STAU1: variants seen among roughly 807,000 people sequenced by gnomAD.
STAU1 encodes double-stranded RNA-binding protein Staufen homolog 1.
A neutral mutation model predicts 62.9 loss-of-function variants in STAU1; 13 were observed. The observed-to-expected ratio is 0.21, with a 90% CI of 0.13 to 0.33. The LOEUF is 0.33. Among genes scored for constraint, STAU1 ranks in the 10% least tolerant of loss-of-function variants. The pLI is 1.00. For missense variants in STAU1, 571 were observed against 712.1 expected (o/e 0.80, Z 2.25); for synonymous variants, 269 against 265.1 (o/e 1.01, Z -0.14).
At chr20:49,209,844 C>T in the STAU1 span, among the ~76,000 whole-genome samples, 3 of 152,028 alleles carry the variant, frequency 2.0e-5, no homozygotes, top group South Asian at 2.1e-4. Flanking sequence ...GTCAGGAGAT[C>T]GAGACTATCC....
the STAU1 span, among the ~76,000 whole-genome samples, chr20:49,193,940 C>A: frequency 6.7e-6 from 1 of 150,112 alleles, no homozygotes; most frequent in African/African-American, 2.5e-5. Flanking sequence ...ATGCACTCCA[C>A]TGTGGGCAAC....
At chr20:49,215,626 G>A in the STAU1 span, among the ~76,000 whole-genome samples, 2 of 152,108 alleles carry the variant, frequency 1.3e-5, no homozygotes, top group Non-Finnish European at 2.9e-5. Context: ...ATCTTCAGTT[G>A]GTGCCACTAC....
At chr20:49,124,277 C>G in intron 7 of STAU1, 98 bp downstream of exon 7, 1 of 1,303,332 alleles carries the variant, frequency 7.7e-7, no homozygotes, top group Non-Finnish European at 1.1e-6. Flanking sequence ...GCACGTTGGT[C>G]TCATCCCCTT....
At chr20:49,148,417 T>C (rs1230289169) in intron 5 of STAU1, among the ~76,000 whole-genome samples, 1 of 152,224 alleles carries the variant, frequency 6.6e-6, no homozygotes, top group African/African-American at 2.4e-5. Context: ...GATATCCCAT[T>C]ACGTATGATG....
chr20:49,137,010 G>T (rs1053731117), intron 5 of STAU1, among the ~76,000 whole-genome samples: 8 of 152,034 alleles, frequency 5.3e-5, no homozygotes, highest in African/African-American at 1.9e-4. Context: ...CACTTTAAGA[G>T]AATGCAGCCA....
chr20:49,180,799 T>TA lies in STAU1; in HGVS notation c.-159-6531dup, dbSNP rs1429429791. Among the ~76,000 whole-genome samples, 4 of 152,366 alleles carry TA rather than the reference T, an allele frequency of 2.6e-5. No homozygotes were observed. The East Asian group carries it at 7.7e-4, about 29-fold the overall frequency. On this transcript the variant is annotated intron_variant, in intron 1 of 13. Coordinates refer to ENST00000371856, the MANE Select transcript of STAU1 (RefSeq NM_017453.4). ...TGGAAAGCTATTTCAAGGGTCCATC[T>TA]AAAAGACTATTACTTAACCAGACTT...
chr20:49,151,859 T>G, intron 4 of STAU1, 112 bp from the exon 5 acceptor site: 1 of 898,256 alleles, frequency 1.1e-6, no homozygotes, highest in Non-Finnish European at 1.6e-6. Flanking sequence ...ACATTAGTGT[T>G]TGATGCTAAT....
At chr20:49,148,354 G>C (rs1434610744) in intron 5 of STAU1, among the ~76,000 whole-genome samples, 3 of 152,096 alleles carry the variant, frequency 2.0e-5, no homozygotes, top group Non-Finnish European at 4.4e-5. Context: ...TCTGTATAAG[G>C]TGTATACGAA....
chr20:49,162,701 G>A (rs909424058), intron 3 of STAU1, among the ~76,000 whole-genome samples: 13 of 151,622 alleles, frequency 8.6e-5, no homozygotes, highest in Non-Finnish European at 1.5e-4. Context: ...GCGTGAACCC[G>A]GGAGGCAGAG....
intron 1 of STAU1, among the ~76,000 whole-genome samples, chr20:49,183,653 T>C (rs946471874): frequency 2.6e-5 from 4 of 152,218 alleles, no homozygotes; most frequent in African/African-American, 9.6e-5. Flanking sequence ...TCCATTTTGA[T>C]AACACCCAGA....
At chr20:49,146,062 GA>G (rs1180740115) in intron 5 of STAU1, among the ~76,000 whole-genome samples, 1 of 152,136 alleles carries the variant, frequency 6.6e-6, no homozygotes, top group African/African-American at 2.4e-5. Flanking sequence ...TTGAGCTCAG[GA>G]GTTCGACACC....
At chr20:49,168,298 C>T (rs916126332) in intron 2 of STAU1, among the ~76,000 whole-genome samples, 4 of 152,094 alleles carry the variant, frequency 2.6e-5, no homozygotes, top group African/African-American at 9.7e-5. Flanking sequence ...CCAGGCTGCT[C>T]TCAAACTCCT....
At chr20:49,193,190 A>C (rs1164838981), upstream of STAU1, among the ~76,000 whole-genome samples, 1 of 152,114 alleles carries the variant, frequency 6.6e-6, no homozygotes, top group African/African-American at 2.4e-5. Flanking sequence ...CAGCCCGGCC[A>C]ACATGGTGAG....
chr20:49,151,524 C>A lies in STAU1; in HGVS notation c.510+58G>T, dbSNP rs76379346. On this transcript the variant is annotated intron_variant, in intron 5 of 13. Transcript: ENST00000371856. ...TAGAAAAGATAATGTGCGGTGACATCTCCCCACTACCCTCCTACCCTGTCG... is the reference window on the plus strand; with the variant it reads ...TAGAAAAGATAATGTGCGGTGACATATCCCCACTACCCTCCTACCCTGTCG... 2,158 of 1,453,918 alleles carry A rather than the reference C, an allele frequency of 1.5e-3. 70 individuals carry two copies. The East Asian group carries it at 0.048, about 33-fold the overall frequency. The allele number at this position is 1,453,918 out of a possible 1,614,324, so 90.1% of individuals were successfully genotyped here.
upstream of STAU1, among the ~76,000 whole-genome samples, chr20:49,191,152 C>T (rs900197735): frequency 6.6e-6 from 1 of 151,946 alleles, no homozygotes; most frequent in African/African-American, 2.4e-5. Context: ...CTCAGCCTCC[C>T]GAGTAGCTGA....
At chr20:49,147,755 T>C (rs1363235100) in intron 5 of STAU1, among the ~76,000 whole-genome samples, 1 of 152,244 alleles carries the variant, frequency 6.6e-6, no homozygotes, top group East Asian at 1.9e-4. Flanking sequence ...GAACATTTTG[T>C]AGCCATTAGA....
chr20:49,216,608 T>C, the STAU1 span, among the ~76,000 whole-genome samples: 3 of 152,176 alleles, frequency 2.0e-5, no homozygotes, highest in Non-Finnish European at 2.9e-5. Flanking sequence ...TTCATTCTCC[T>C]GAGCATAGCT....
intron 10 of STAU1, 94 bp from the exon 11 acceptor site, chr20:49,118,190 C>A: frequency 7.1e-7 from 1 of 1,414,002 alleles, no homozygotes; most frequent in South Asian, 1.2e-5. Flanking sequence ...CTCCCCTTGG[C>A]ACGCATGGCA....
At chr20:49,209,604 C>A in the STAU1 span, among the ~76,000 whole-genome samples, 2 of 152,028 alleles carry the variant, frequency 1.3e-5, no homozygotes, top group African/African-American at 2.4e-5. Flanking sequence ...TTTAGCCGGG[C>A]AGGGTGTCGG....
Sources: allele counts gnomAD v4.1 joint callset (sites outside exome capture counted in the v4.1 genomes callset), GRCh38; gene constraint gnomAD v4.1.1; transcripts MANE v1.5; gene names NCBI Gene and HGNC (gene_info 2026-07-23, HGNC 2026-07-21).